The following ZNF28 variants were observed in gnomAD, a reference collection of about 807,000 sequenced individuals.
ZNF28 encodes the protein zinc finger protein 28.
In ZNF28, 5 loss-of-function variants were observed where a neutral mutation model predicts 7.2. The ratio of observed to expected loss-of-function variants is 0.70; its 90% confidence interval spans 0.36 to 1.46. ZNF28 has a LOEUF of 1.46. Ranked by LOEUF, ZNF28 falls within the 40% of genes most tolerant of loss-of-function variation. ZNF28 has a pLI of 0.03. For missense variants in ZNF28, 879 were observed against 866.6 expected (o/e 1.01, Z -0.18); for synonymous variants, 288 against 292.4 (o/e 0.99, Z 0.15).
In ZNF28 at chr19:52,798,225, CTT is replaced by C. The variant is rs1012718906; in HGVS notation, c.*1461_*1462del. 1.2e-5 allele frequency: 2 copies of C among 161,048 alleles called. No individual in the cohort carries two copies. Among genetic ancestry groups the C allele is most frequent in the African/African-American group, 4.8e-5 (2 of 41,514 alleles). The allele number at this position is 161,048 out of a possible 1,614,324, so 10.0% of individuals were successfully genotyped here. A position where few individuals can be genotyped will look rare whatever the true frequency, so the allele number is the denominator to read the frequency against. On this transcript the variant is annotated 3_prime_UTR_variant, in exon 4 of 4. Transcript: ENST00000457749. ...CTGTTGGCCAGGCTGTTCTCAAACT[CTT>C]AACCTCCAGTGACCTACCAGTCTTG...
chr19:52,808,465 A>G (rs754653085), intron 2 of ZNF28, among the ~76,000 whole-genome samples: 1 of 152,154 alleles, frequency 6.6e-6, no homozygotes, highest in Non-Finnish European at 1.5e-5. Context: ...GTCTTAAAAG[A>G]TGACAATGTC....
In ZNF28 at chr19:52,818,963, T is replaced by C. The variant is rs1330937058; in HGVS notation, c.-73-932A>G. Among the ~76,000 whole-genome samples the C allele has an allele frequency of 9.3e-5, 13 of 139,272 alleles. 1 individual carries two copies. The highest frequency in any genetic ancestry group is 3.7e-4 in the African/African-American group (13 of 35,522). The allele number at this position is 139,272 out of a possible 152,430, so 91.4% of individuals were successfully genotyped here. A position where few individuals can be genotyped will look rare whatever the true frequency, so the allele number is the denominator to read the frequency against. On this transcript the variant is annotated intron_variant, in intron 1 of 3. Transcript: ENST00000457749. ...AAGACTTGAGTAATGTGATAGACAC[T>C]GATGGGCAGAGGGAACTTCAGATGG...
At chr19:52,809,755 A>C in intron 2 of ZNF28, 1 of 459,822 alleles carries the variant, frequency 2.2e-6, no homozygotes, top group Non-Finnish European at 3.8e-6. Flanking sequence ...CAGTGAGCTG[A>C]GATCATGCCA....
rs982104481 is a variant in ZNF28, at chr19:52,801,847, A to G, written c.143-145T>C. On this transcript the variant is annotated intron_variant, in intron 3 of 3. Transcript: ENST00000457749. ...AGTTTAAGAACACAAAAGGAGTAAGATTCTTTAATAAATAAAGGGCGATTA... is the reference window on the plus strand; with the variant it reads ...AGTTTAAGAACACAAAAGGAGTAAGGTTCTTTAATAAATAAAGGGCGATTA... 5.4e-5 allele frequency: 41 copies of G among 763,730 alleles called. No homozygotes were observed. The African/African-American group carries it at 6.3e-4, about 12-fold the overall frequency. 47.3% of individuals were successfully genotyped at this position (763,730 alleles called of 1,614,324 possible).
At chr19:52,811,349 G>A (rs137989305) in intron 2 of ZNF28, among the ~76,000 whole-genome samples, 3,553 of 141,634 alleles carry the variant, frequency 0.025, 143 homozygotes, top group Non-Finnish European at 0.034. Flanking sequence ...CTGCCTGGCC[G>A]CCCATTGTCT....
intron 2 of ZNF28, among the ~76,000 whole-genome samples, chr19:52,808,981 T>C (rs1427145444): frequency 6.6e-6 from 1 of 152,216 alleles, no homozygotes; most frequent in African/African-American, 2.4e-5. Flanking sequence ...TTTCAAAATA[T>C]ATACAGATGT....
chr19:52,802,244 CTGT>C (rs1484835457), intron 3 of ZNF28, among the ~76,000 whole-genome samples: 1 of 152,194 alleles, frequency 6.6e-6, no homozygotes, highest in Non-Finnish European at 1.5e-5. Flanking sequence ...TGGCCCGTGC[CTGT>C]ACTCACAGCT....
At position 52,800,239 on chromosome 19, in the gene ZNF28, C is replaced by T. The variant is rs1438829328; in HGVS notation, c.1606G>A (p.Ala536Thr). Residue 536 changes from alanine to threonine, a missense_variant, in exon 4 of 4, where the codon GCA (alanine) becomes ACA (threonine). Transcript: ENST00000457749. The stretch of plus-strand genomic sequence containing the variant: ...AGTTTATGATGACATGCAAGGTTTG[C>T]TTTTGTACTAAAAACCTTGCCACAT... ...NECGKVFSTK[A>T]NLACHHKLHT... 7.4e-6 allele frequency: 12 copies of T among 1,611,396 alleles called. No individual in the cohort carries two copies. Among genetic ancestry groups the T allele is most frequent in the African/African-American group, 1.3e-5 (1 of 74,088 alleles).
At chr19:52,809,801 G>T (rs2062990052) in intron 2 of ZNF28, 10 of 508,448 alleles carry the variant, frequency 2.0e-5, no homozygotes, top group Non-Finnish European at 3.1e-5. Context: ...CGAAAAAAAA[G>T]GAGCCCAGTC....
intron 2 of ZNF28, chr19:52,809,883 T>C: frequency 1.3e-6 from 1 of 752,344 alleles, no homozygotes; most frequent in South Asian, 1.5e-5. Context: ...CGGTCCGGGA[T>C]CCAGGCCGGG....
rs1568655922 is a variant in ZNF28, at chr19:52,810,898, CCTCCCT to C, written c.16-2771_16-2766del. Among the ~76,000 whole-genome samples the C allele has an allele frequency of 4.5e-3, 57 of 12,654 alleles. 4 individuals are homozygous for C. Among genetic ancestry groups the C allele is most frequent in the Non-Finnish European group, 8.1e-3 (41 of 5,052 alleles). The allele number at this position is 12,654 out of a possible 152,430, so 8.3% of individuals were successfully genotyped here. The stretch of plus-strand genomic sequence containing the variant: ...CCCTCCCCCTCCCCCTCCCCCTCCC[CCTCCCT>C]CTCCCTCTCCCTCCACAGTCTCCCT... On this transcript the variant is annotated intron_variant, in intron 2 of 3. Coordinates refer to ENST00000457749, the MANE Select transcript of ZNF28 (RefSeq NM_006969.5).
At chr19:52,814,051 G>T (rs1326113755) in intron 2 of ZNF28, among the ~76,000 whole-genome samples, 1 of 146,236 alleles carries the variant, frequency 6.8e-6, no homozygotes, top group Non-Finnish European at 1.5e-5. Flanking sequence ...ACTTTTTTAA[G>T]TTACTACAGA....
chr19:52,812,876 G>GT (rs1474417952), intron 2 of ZNF28, among the ~76,000 whole-genome samples: 1 of 148,444 alleles, frequency 6.7e-6, no homozygotes, highest in East Asian at 2.1e-4. Flanking sequence ...GATTACTATA[G>GT]TTTTAAGGCT....
In ZNF28 at chr19:52,801,025, T is replaced by G. The variant is rs747768319; in HGVS notation, c.820A>C (p.Asn274His). 11 of 1,614,148 alleles carry G rather than the reference T, an allele frequency of 6.8e-6. No homozygotes were observed. Among genetic ancestry groups the G allele is most frequent in the Non-Finnish European group, 9.3e-6 (11 of 1,180,026 alleles). ...SHIDEKPYKCNECGKIFGHNT... is the reference protein window; with the variant it reads ...SHIDEKPYKCHECGKIFGHNT... ...TGACCAAAGATCTTGCCACACTCAT[T>G]ACACTTGTAAGGTTTCTCATCAATG... The change falls in exon 4 of 4, where the codon AAT becomes CAT. Residue 274 changes from asparagine (N) to histidine (H), a missense_variant. By Grantham distance (68) the Asn-to-His change is moderately conservative (BLOSUM62 1). Around this residue, in one of 2 missense-constraint regions of ZNF28, gnomAD observed 864 missense variants for 830.2 expected, o/e 1.04. Transcript: ENST00000457749.
chr19:52,808,335 G>C (rs756174254), intron 2 of ZNF28, among the ~76,000 whole-genome samples: 3 of 152,120 alleles, frequency 2.0e-5, no homozygotes, highest in Non-Finnish European at 4.4e-5. Flanking sequence ...TCCTAAGTTT[G>C]TGAAAAATTC....
rs1479713191 is a variant in ZNF28 at position 52,798,356 on chromosome 19, T to G, written c.*1332A>C. On this transcript the variant is annotated 3_prime_UTR_variant, in exon 4 of 4. Transcript: ENST00000457749. ...ATTAATGCTTAAACTCAATGTTAAG[T>G]CAACTCAAACTCAGGTCAGTGCTCA... 1 of 341,936 alleles carries G rather than the reference T, an allele frequency of 2.9e-6. No individual in the cohort carries two copies. The highest frequency in any genetic ancestry group is 4.2e-5 in the Admixed American group (1 of 23,886). 21.2% of individuals were successfully genotyped at this position (341,936 alleles called of 1,614,324 possible). A position where few individuals can be genotyped will look rare whatever the true frequency, so the allele number is the denominator to read the frequency against.
rs1440761759 is a variant in ZNF28 at position 52,800,740 on chromosome 19, T to A, written c.1105A>T (p.Thr369Ser). ...ECGKVFNRLS[T>S]LARHRRLHTG... is the part of the protein sequence containing the mutation. ...TGAAGCCTACGATGGCGTGCAAGGGTTGACAGTCGATTAAAAACCTTGCCA... is the reference window on the plus strand; with the variant it reads ...TGAAGCCTACGATGGCGTGCAAGGGATGACAGTCGATTAAAAACCTTGCCA... Residue 369 changes from threonine (T) to serine (S), a missense_variant, in exon 4 of 4, where the codon ACC becomes TCC. Thr to Ser is a moderately conservative substitution (Grantham distance 58). Coordinates refer to ENST00000457749, the MANE Select transcript of ZNF28 (RefSeq NM_006969.5). The A allele has an allele frequency of 6.2e-7, 1 of 1,611,732 alleles. No individual in the cohort carries two copies.
At chr19:52,810,753 G>T in intron 2 of ZNF28, 2 of 554,036 alleles carry the variant, frequency 3.6e-6, no homozygotes, top group East Asian at 2.9e-5. Context: ...AGGAAAGAAG[G>T]GGAAAAAAAA....
At chr19:52,818,121 G>A in intron 1 of ZNF28, 90 bp from the exon 2 acceptor site, 3 of 1,296,854 alleles carry the variant, frequency 2.3e-6, no homozygotes, top group Non-Finnish European at 3.1e-6. Context: ...ACTTCACCTT[G>A]AGGAAATATG....
Sources: gnomAD v4.1 joint callset for allele counts (sites outside exome capture counted in the v4.1 genomes callset) on GRCh38, gnomAD v4.1.1 for gene constraint, gnomAD v4.1.1 regional missense constraint, MANE v1.5 for transcripts, NCBI Gene and HGNC (gene_info 2026-07-23, HGNC 2026-07-21) for gene names.